UBA6: variants seen among roughly 807,000 people sequenced by gnomAD.
The protein encoded by UBA6 is ubiquitin like modifier activating enzyme 6.
In UBA6, 87 loss-of-function variants were observed where a neutral mutation model predicts 148.3. The observed-to-expected ratio is 0.59, with a 90% CI of 0.49 to 0.70. UBA6 has a LOEUF of 0.70. Among genes scored for constraint, UBA6 ranks in the 30% least tolerant of loss-of-function variants. UBA6 has a pLI of 0.00. For missense variants in UBA6, 1,186 were observed against 1,241.2 expected, an observed-to-expected ratio of 0.96 and a Z score of 0.67; for synonymous variants, 376 against 401.0, an observed-to-expected ratio of 0.94 and a Z score of 0.75.
intron 6 of UBA6, among the ~76,000 whole-genome samples, chr4:67,675,526 T>C (rs925553982): frequency 1.3e-5 from 2 of 152,150 alleles, no homozygotes; most frequent in South Asian, 4.1e-4. Context: ...AGGTCAGAAG[T>C]TCGAGACCAG....
intron 18 of UBA6, among the ~76,000 whole-genome samples, chr4:67,639,377 T>C (rs1374048681): frequency 6.6e-6 from 1 of 152,110 alleles, no homozygotes; most frequent in Non-Finnish European, 1.5e-5. Context: ...TTCTATCTTA[T>C]AGTTAAGTAC....
At chr4:67,667,584 C>T (rs1382412205) in intron 9 of UBA6, among the ~76,000 whole-genome samples, 1 of 151,870 alleles carries the variant, frequency 6.6e-6, no homozygotes, top group East Asian at 1.9e-4. Flanking sequence ...TTTTCAAATG[C>T]CCTAAAGATA....
In UBA6 at chr4:67,616,915, A is replaced by G. The variant is rs546051779; in HGVS notation, c.*2082T>C. 9.2e-5 allele frequency: 14 copies of G among 151,686 alleles called. No homozygotes were observed. In the South Asian group the frequency reaches 2.7e-3, roughly 29 times the overall value. The allele number at this position is 151,686 out of a possible 1,614,324, so 9.4% of individuals were successfully genotyped here. ...TATTTCAGTCATCAACAGCAATCTC[A>G]TGGTACAGAAATAAAATAATGGGAA... On this transcript the variant is annotated 3_prime_UTR_variant, in exon 33 of 33. Coordinates refer to ENST00000322244, the MANE Select transcript of UBA6 (RefSeq NM_018227.6).
chr4:67,666,718 TAA>T (rs1447817581), intron 9 of UBA6, among the ~76,000 whole-genome samples: 1 of 151,540 alleles, frequency 6.6e-6, no homozygotes, highest in African/African-American at 2.4e-5. Flanking sequence ...TCTACAAAAA[TAA>T]AAAAGTTAGC....
intron 13 of UBA6, among the ~76,000 whole-genome samples, chr4:67,651,816 G>T (rs1729559660): frequency 6.6e-6 from 1 of 152,048 alleles, no homozygotes; most frequent in African/African-American, 2.4e-5. Flanking sequence ...TGACAAAAAT[G>T]CCATGACATT....
At chr4:67,635,723 T>C (rs1729123125) in intron 19 of UBA6, among the ~76,000 whole-genome samples, 165 bp from the exon 20 acceptor site, 1 of 152,200 alleles carries the variant, frequency 6.6e-6, no homozygotes, top group Non-Finnish European at 1.5e-5. Flanking sequence ...TCATTCCTGT[T>C]CCCCTATTCT....
chr4:67,625,727 T>A (rs1035933688), intron 28 of UBA6, among the ~76,000 whole-genome samples: 1 of 151,974 alleles, frequency 6.6e-6, no homozygotes, highest in Non-Finnish European at 1.5e-5. Flanking sequence ...TGGTCCATGC[T>A]TAAAATCTCA....
At chr4:67,692,933 T>C (rs578262417) in intron 2 of UBA6, among the ~76,000 whole-genome samples, 13 of 152,304 alleles carry the variant, frequency 8.5e-5, no homozygotes, top group South Asian at 2.1e-4. Context: ...CAAGATTGCA[T>C]TGATTTCTTT....
intron 4 of UBA6, among the ~76,000 whole-genome samples, chr4:67,681,024 A>T (rs1465510740): frequency 6.6e-6 from 1 of 152,058 alleles, no homozygotes; most frequent in Non-Finnish European, 1.5e-5. Context: ...CCTTGACTGC[A>T]GCCTTGTAAG....
In UBA6 at chr4:67,668,588, T is replaced by C. The variant is rs765489825; in HGVS notation, c.756A>G (p.Gly252=). The C allele has an allele frequency of 1.2e-6, 2 of 1,612,822 alleles. No homozygotes were observed. The highest frequency in any genetic ancestry group is 2.7e-5 in the African/African-American group (2 of 74,890). The change falls in exon 9 of 33, where the codon GGA becomes GGG. Residue 252 remains glycine, a synonymous_variant. Transcript: ENST00000322244. The part of the protein sequence containing the change: ...GQFLTFREIN[G]MTGLNGSIQQ... Reference sequence around the variant, plus strand: ...GTATAGATCCATTTAAACCTGTCATTCCATTAATTTCTCGAAATGTTAGGA... The same window carrying C: ...GTATAGATCCATTTAAACCTGTCATCCCATTAATTTCTCGAAATGTTAGGA...
At chr4:67,686,417 C>T (rs867534373) in intron 2 of UBA6, among the ~76,000 whole-genome samples, 1 of 152,154 alleles carries the variant, frequency 6.6e-6, no homozygotes, top group South Asian at 2.1e-4. Flanking sequence ...ATCATGCACG[C>T]ATATATTTAT....
chr4:67,618,876 A>T lies in UBA6; in HGVS notation c.*121T>A. 9.7e-7 allele frequency: 1 copy of T among 1,028,236 alleles called. No homozygotes were observed. Among genetic ancestry groups the T allele is most frequent in the Non-Finnish European group, 1.4e-6 (1 of 715,494 alleles). 63.7% of individuals were successfully genotyped at this position (1,028,236 alleles called of 1,614,324 possible). A position where few individuals can be genotyped will look rare whatever the true frequency, so the allele number is the denominator to read the frequency against. On this transcript the variant is annotated 3_prime_UTR_variant, in exon 33 of 33. Transcript: ENST00000322244. ...GCAGTTTCTTACTGATGTTTCCCTT[A>T]AAATTAAGGCTTAATGAAAGAGAAA... is the stretch of plus-strand genomic sequence containing the variant.
At chr4:67,646,138 C>A in intron 15 of UBA6, 122 bp from the exon 16 acceptor site, 1 of 487,110 alleles carries the variant, frequency 2.1e-6, no homozygotes, top group Middle Eastern at 5.5e-4. Context: ...TTTCCCCTAA[C>A]CAATCTTAAT....
chr4:67,623,983 T>A, intron 30 of UBA6, 143 bp downstream of exon 30: 1 of 565,486 alleles, frequency 1.8e-6, no homozygotes, highest in South Asian at 3.4e-5. Context: ...AAGATGAGGT[T>A]TGAGCTGATC....
intron 20 of UBA6, among the ~76,000 whole-genome samples, chr4:67,634,719 A>G (rs1204968159): frequency 6.6e-6 from 1 of 152,144 alleles, no homozygotes; most frequent in Non-Finnish European, 1.5e-5. Context: ...ATAGCTATGT[A>G]ATGCCAAACA....
chr4:67,700,383 A>G (rs1227985128), intron 1 of UBA6, among the ~76,000 whole-genome samples: 1 of 152,206 alleles, frequency 6.6e-6, no homozygotes, highest in Non-Finnish European at 1.5e-5. Context: ...TTATGAGATG[A>G]TTGAAAGAGG....
chr4:67,679,378 T>G (rs771789803), intron 4 of UBA6, among the ~76,000 whole-genome samples: 1 of 152,160 alleles, frequency 6.6e-6, no homozygotes, highest in Non-Finnish European at 1.5e-5. Flanking sequence ...CTTTGAATCA[T>G]AAATCTCACA....
intron 13 of UBA6, among the ~76,000 whole-genome samples, chr4:67,651,075 C>T (rs1196222673): frequency 6.6e-6 from 1 of 152,016 alleles, no homozygotes; most frequent in Non-Finnish European, 1.5e-5. Context: ...AAAGTAAGCA[C>T]AAAAAGCATT....
intron 2 of UBA6, among the ~76,000 whole-genome samples, chr4:67,693,117 T>C (rs1375756721): frequency 6.6e-6 from 1 of 152,076 alleles, no homozygotes; most frequent in African/African-American, 2.4e-5. Context: ...TCCCTACCCT[T>C]CTGCCTCCAC....
Sources: gnomAD v4.1 joint callset for allele counts (sites outside exome capture counted in the v4.1 genomes callset) on GRCh38, gnomAD v4.1.1 for gene constraint, MANE v1.5 for transcripts, NCBI Gene and HGNC (gene_info 2026-07-23, HGNC 2026-07-21) for gene names.